Variants in CACNA2D2 observed in about 807,000 individuals in gnomAD.
The protein encoded by CACNA2D2 is voltage-dependent calcium channel subunit alpha-2/delta-2.
A neutral mutation model predicts 166.4 loss-of-function variants in CACNA2D2; 48 were observed. That is an observed-to-expected ratio of 0.29 (90% CI 0.23 to 0.37). The LOEUF is 0.37. Among genes scored for constraint, CACNA2D2 ranks in the 10% least tolerant of loss-of-function variants. The pLI is 1.00. For missense variants in CACNA2D2, 1,122 were observed against 1,433.0 expected (o/e 0.78, Z 3.50); for synonymous variants, 561 against 573.7 (o/e 0.98, Z 0.32).
At chr3:50,387,373 C>T (rs759464350) in intron 5 of CACNA2D2, among the ~76,000 whole-genome samples, 195 bp downstream of exon 5, 3 of 152,200 alleles carry the variant, frequency 2.0e-5, no homozygotes, top group Non-Finnish European at 4.4e-5. Context: ...CAAGCTCAGC[C>T]CACTAGTGCA....
chr3:50,378,812 C>G, intron 13 of CACNA2D2, 103 bp downstream of exon 13: 1 of 1,368,368 alleles, frequency 7.3e-7, no homozygotes, highest in Non-Finnish European at 1.0e-6. Flanking sequence ...TGTCTTGCAG[C>G]GGGTGAACAC....
chr3:50,388,522 GTTTC>G (rs1412659521), intron 4 of CACNA2D2, among the ~76,000 whole-genome samples: 1 of 152,242 alleles, frequency 6.6e-6, no homozygotes. Flanking sequence ...CTCAGGGCTT[GTTTC>G]TTTGAGGTCT....
intron 4 of CACNA2D2, 130 bp downstream of exon 4, chr3:50,393,979 C>A (rs734767): frequency 1.3e-6 from 1 of 746,840 alleles, no homozygotes; most frequent in Non-Finnish European, 2.3e-6. Flanking sequence ...TGTTGGACAC[C>A]GGCTTCTGGC....
chr3:50,366,537 G>C lies in CACNA2D2; in HGVS notation c.2637+41C>G, dbSNP rs750742909. 6 of 1,606,198 alleles carry C rather than the reference G, an allele frequency of 3.7e-6. No homozygotes were observed. In the South Asian group the frequency reaches 4.4e-5, roughly 12 times the overall value. ...GGCTGGGACTAGGAAGTCTGGAAGT[G>C]GGGTAAGCTAGGGTCCAGGGTAGGT... On this transcript the variant is annotated intron_variant, in intron 30 of 37. Coordinates refer to ENST00000424201, the MANE Select transcript of CACNA2D2 (RefSeq NM_006030.4). This position sits in a 1 kb window ranked among gnomAD's most constrained non-coding sequence, Gnocchi z 5.9.
At chr3:50,433,065 T>C (rs1708146775) in intron 3 of CACNA2D2, among the ~76,000 whole-genome samples, 1 of 152,264 alleles carries the variant, frequency 6.6e-6, no homozygotes, top group East Asian at 1.9e-4. Context: ...CAGTGGTTTT[T>C]AGTATATTCA....
At chr3:50,484,984 T>C (rs1444519603) in intron 1 of CACNA2D2, among the ~76,000 whole-genome samples, 4 of 152,210 alleles carry the variant, frequency 2.6e-5, no homozygotes, top group East Asian at 1.9e-4. Context: ...AGGCCCTCCC[T>C]TCCCCTGGCT....
At position 50,493,412 on chromosome 3, in the gene CACNA2D2, G is replaced by A. The variant is rs549504557; in HGVS notation, c.206+9806C>T. 4.6e-5 allele frequency among the ~76,000 whole-genome samples: 7 copies of A among 152,344 alleles called. No individual in the cohort carries two copies. In the South Asian group the frequency reaches 1.2e-3, roughly 27 times the overall value. ...TTCCTCCCCTCTTAAGAGAAACCCA[G>A]AGGAGACATCTCTTCCATGCCTAGT... On this transcript the variant is annotated intron_variant, in intron 1 of 37. Transcript: ENST00000424201.
chr3:50,394,110 T>C lies in CACNA2D2; in HGVS notation c.464A>G (p.Lys155Arg). ...TGGGCAGGGTGCTGGGGTTCCTACC[T>C]TGATGTTGTCCTGCCAGCGGTGTGC... Reference protein sequence around the residue: ...QKAHRWQDNIKEEDIVYYDAK... With the variant: ...QKAHRWQDNIREEDIVYYDAK... The change falls in exon 4 of 38, where the codon AAG becomes AGG. Residue 155 changes from lysine to arginine, a missense_variant and splice_region_variant. By Grantham distance (26) the Lys-to-Arg change is conservative. This residue lies in a region of CACNA2D2 where 840 missense variants were observed against 1,166.8 expected (regional missense o/e 0.72). Coordinates refer to ENST00000424201, the MANE Select transcript of CACNA2D2 (RefSeq NM_006030.4). 6.2e-7 allele frequency: 1 copy of C among 1,613,960 alleles called. No homozygotes were observed. The highest frequency in any genetic ancestry group is 8.5e-7 in the Non-Finnish European group (1 of 1,179,862).
At chr3:50,466,207 G>A (rs1415758180) in intron 2 of CACNA2D2, among the ~76,000 whole-genome samples, 7 of 152,178 alleles carry the variant, frequency 4.6e-5, no homozygotes, top group African/African-American at 1.7e-4. Flanking sequence ...CAGGGCTGCT[G>A]AGCAGTGTCA....
intron 3 of CACNA2D2, among the ~76,000 whole-genome samples, chr3:50,425,492 C>T (rs1707764122): frequency 1.3e-5 from 2 of 152,222 alleles, no homozygotes; most frequent in Non-Finnish European, 1.5e-5. Context: ...GAAGTCTGGG[C>T]CCGAGGGCAG....
intron 3 of CACNA2D2, among the ~76,000 whole-genome samples, chr3:50,404,180 T>C (rs73832881): frequency 0.087 from 13,284 of 151,996 alleles, 1,749 homozygotes; most frequent in African/African-American, 0.29. Context: ...TGACAGAGAA[T>C]AGGGATCCAA....
chr3:50,439,165 C>T (rs1017500560), intron 2 of CACNA2D2, among the ~76,000 whole-genome samples: 1 of 152,206 alleles, frequency 6.6e-6, no homozygotes, highest in African/African-American at 2.4e-5. Flanking sequence ...GGAAAAGAGG[C>T]ATAGGGATGA....
chr3:50,438,365 C>T (rs1164822092), intron 2 of CACNA2D2, among the ~76,000 whole-genome samples: 3 of 152,182 alleles, frequency 2.0e-5, no homozygotes, highest in Non-Finnish European at 4.4e-5. Flanking sequence ...TCTCTCAGCT[C>T]TAGCAGTTCT....
In CACNA2D2 at chr3:50,375,152, A is replaced by G. The variant is rs1035615417; in HGVS notation, c.1908-339T>C. Among the ~76,000 whole-genome samples, 5 of 152,198 alleles carry G rather than the reference A, an allele frequency of 3.3e-5. No individual in the cohort carries two copies. The highest frequency in any genetic ancestry group is 9.7e-5 in the African/African-American group (4 of 41,448). Reference sequence around the variant, plus strand: ...CAGACGCTGCCGTGAGCTGGCTGCAATGCCAGTGTTGCCGTGGGAGTGGGG... The same window carrying G: ...CAGACGCTGCCGTGAGCTGGCTGCAGTGCCAGTGTTGCCGTGGGAGTGGGG... On this transcript the variant is annotated intron_variant, in intron 21 of 37. Transcript: ENST00000424201. This position sits in a 1 kb window ranked among gnomAD's most constrained non-coding sequence, Gnocchi z 4.0.
At chr3:50,401,248 T>A (rs542412117) in intron 3 of CACNA2D2, among the ~76,000 whole-genome samples, 7 of 152,074 alleles carry the variant, frequency 4.6e-5, no homozygotes, top group African/African-American at 1.7e-4. Flanking sequence ...TAAAAAAAAT[T>A]AGTAAAATGG....
At chr3:50,394,074 G>A (rs1706020135) in intron 4 of CACNA2D2, 35 bp downstream of exon 4, 1 of 1,601,478 alleles carries the variant, frequency 6.2e-7, no homozygotes, top group African/African-American at 1.3e-5. Flanking sequence ...GGATGGGCAT[G>A]CCCTAAGTGC....
At chr3:50,465,437 T>G (rs1224142950) in intron 2 of CACNA2D2, among the ~76,000 whole-genome samples, 1 of 152,122 alleles carries the variant, frequency 6.6e-6, no homozygotes, top group Admixed American at 6.5e-5. Context: ...TGCACGATGA[T>G]GCAGTGCAGT....
In CACNA2D2 at chr3:50,375,728, G is replaced by T; in HGVS notation, c.1846-23C>A. The T allele has an allele frequency of 1.2e-6, 2 of 1,613,168 alleles. No homozygotes were observed. The highest frequency in any genetic ancestry group is 1.3e-5 in the African/African-American group (1 of 75,036). ...CCTCTGGGAGAGGAGGCTGGGTCAG[G>T]TACTTGGGCTAGCAGGCAGGGGGCG... is the stretch of plus-strand genomic sequence containing the variant. On this transcript the variant is annotated intron_variant, in intron 20 of 37. Coordinates refer to ENST00000424201, the MANE Select transcript of CACNA2D2 (RefSeq NM_006030.4). This position sits in a 1 kb window ranked among gnomAD's most constrained non-coding sequence, Gnocchi z 4.0.
At chr3:50,397,927 G>C (rs1262303701) in intron 3 of CACNA2D2, among the ~76,000 whole-genome samples, 1 of 152,192 alleles carries the variant, frequency 6.6e-6, no homozygotes, top group African/African-American at 2.4e-5. Context: ...CCAGACCTTG[G>C]GCTCCTGTCC....
Sources: allele counts gnomAD v4.1 joint callset (sites outside exome capture counted in the v4.1 genomes callset), GRCh38; gene constraint gnomAD v4.1.1; regional missense constraint gnomAD v4.1.1; non-coding constraint Gnocchi (gnomAD v3.1); transcripts MANE v1.5; gene names NCBI Gene and HGNC (gene_info 2026-07-23, HGNC 2026-07-21).